BANP: variants seen among roughly 807,000 people sequenced by gnomAD.
BANP encodes the protein protein BANP.
BANP carries 11 observed loss-of-function variants against 68.1 expected under a neutral mutation model. That is an observed-to-expected ratio of 0.16 (90% CI 0.10 to 0.27). The LOEUF is 0.27. Among genes scored for constraint, BANP ranks in the 10% least tolerant of loss-of-function variants. BANP has a pLI of 1.00. For missense variants in BANP, 504 were observed against 722.7 expected (o/e 0.70, Z 3.47); for synonymous variants, 329 against 303.2 (o/e 1.09, Z -0.88).
intron 7 of BANP, among the ~76,000 whole-genome samples, chr16:88,021,622 C>T (rs1311027805): frequency 2.0e-5 from 3 of 152,178 alleles, no homozygotes; most frequent in Non-Finnish European, 4.4e-5. Flanking sequence ...CTTCCTGTGG[C>T]CCAGTTTCAT....
chr16:88,033,699 T>C (rs1281142089), intron 9 of BANP, among the ~76,000 whole-genome samples: 1 of 152,216 alleles, frequency 6.6e-6, no homozygotes, highest in Non-Finnish European at 1.5e-5. Flanking sequence ...AGCGTGTCCC[T>C]TGGAGTTACT....
intron 1 of BANP, among the ~76,000 whole-genome samples, chr16:87,971,774 T>C (rs920407627): frequency 3.3e-5 from 5 of 152,148 alleles, no homozygotes; most frequent in African/African-American, 4.8e-5. Context: ...TTACAGTTTT[T>C]GGTATTCCAT....
At chr16:88,049,648 G>A (rs1488663375) in intron 11 of BANP, among the ~76,000 whole-genome samples, 1 of 152,182 alleles carries the variant, frequency 6.6e-6, no homozygotes, top group Non-Finnish European at 1.5e-5. Flanking sequence ...CCAGGGCTGT[G>A]GGAGTTAGGG....
Position 88,003,636 on chromosome 16 carries a change from G to A in BANP, c.363-659G>A, listed in dbSNP as rs370945175. The A allele has an allele frequency of 7.1e-6, 3 of 421,466 alleles. No homozygotes were observed. Among genetic ancestry groups the A allele is most frequent in the Non-Finnish European group, 1.4e-5 (3 of 209,890 alleles). 26.1% of individuals were successfully genotyped at this position (421,466 alleles called of 1,614,324 possible). ...AACACACTCGTGCTTCCTCCAGGGT[G>A]GCGCCAGGCTTGCTGGTTTCTGGGC... On this transcript the variant is annotated intron_variant, in intron 4 of 13. Transcript: ENST00000682872. The surrounding 1 kb of genome is among the most constrained non-coding windows in gnomAD (Gnocchi z 6.1).
intron 11 of BANP, among the ~76,000 whole-genome samples, chr16:88,065,024 G>A (rs764119438): frequency 2.0e-5 from 3 of 152,272 alleles, no homozygotes; most frequent in Non-Finnish European, 4.4e-5. Context: ...AGCCCGCCCT[G>A]AAGGCACGGA....
At position 88,064,235 on chromosome 16, in the gene BANP, G is replaced by A. The variant is rs999885890; in HGVS notation, c.1312-1032G>A. 7.2e-5 allele frequency among the ~76,000 whole-genome samples: 11 copies of A among 152,268 alleles called. No individual in the cohort carries two copies. The highest frequency in any genetic ancestry group is 3.4e-3 in the Middle Eastern group (1 of 294). ...GGGGGAGAGTGGACAGCGAGGCGGTGGATGTTGAGGCAGTTGTGCGTCCAC... is the reference window on the plus strand; with the variant it reads ...GGGGGAGAGTGGACAGCGAGGCGGTAGATGTTGAGGCAGTTGTGCGTCCAC... On this transcript the variant is annotated intron_variant, in intron 11 of 13. Coordinates refer to ENST00000682872, the MANE Select transcript of BANP (RefSeq NM_001386991.1). The surrounding 1 kb of genome is among the most constrained non-coding windows in gnomAD (Gnocchi z 4.5).
At chr16:87,951,553 C>G (rs533628379) in intron 1 of BANP, 38 bp downstream of exon 1, 1 of 152,808 alleles carries the variant, frequency 6.5e-6, no homozygotes, top group South Asian at 1.8e-4. Context: ...GCCTCCGCCT[C>G]CCCCTTCCCG....
At chr16:88,028,697 A>C (rs1418292073) in intron 8 of BANP, among the ~76,000 whole-genome samples, 1 of 152,232 alleles carries the variant, frequency 6.6e-6, no homozygotes, top group Non-Finnish European at 1.5e-5. Flanking sequence ...ATTCACTGAA[A>C]TACCATGTAG....
intron 4 of BANP, among the ~76,000 whole-genome samples, chr16:87,986,825 C>G (rs911516326): frequency 6.6e-6 from 1 of 152,142 alleles, no homozygotes; most frequent in Admixed American, 6.5e-5. Flanking sequence ...GATGCACAAT[C>G]CAGTTAACCC....
chr16:88,071,649 C>G lies in BANP; in HGVS notation c.1378-420C>G. ...GGGGAGGGTTTGGGTCTCAGCCTCACGCTCACGGTCCTGGCTTGGATTTTA... is the reference window on the plus strand; with the variant it reads ...GGGGAGGGTTTGGGTCTCAGCCTCAGGCTCACGGTCCTGGCTTGGATTTTA... On this transcript the variant is annotated intron_variant, in intron 12 of 13. Transcript: ENST00000682872. The surrounding 1 kb of genome is among the most constrained non-coding windows in gnomAD (Gnocchi z 6.5). 2.1e-6 allele frequency: 1 copy of G among 466,468 alleles called. No homozygotes were observed. The highest frequency in any genetic ancestry group is 1.5e-5 in the South Asian group (1 of 64,628). 28.9% of individuals were successfully genotyped at this position (466,468 alleles called of 1,614,324 possible).
chr16:88,014,693 T>G (rs1380525160), intron 6 of BANP, among the ~76,000 whole-genome samples: 4 of 152,014 alleles, frequency 2.6e-5, no homozygotes, highest in Non-Finnish European at 5.9e-5. Context: ...ATCCTCGCAC[T>G]GGTCCTGCAT....
At position 88,027,777 on chromosome 16, in the gene BANP, TG is replaced by T. The variant is rs374196428; in HGVS notation, c.1063+128del. 24 of 1,143,638 alleles carry T rather than the reference TG, an allele frequency of 2.1e-5. No homozygotes were observed. In the East Asian group the frequency reaches 3.8e-4, roughly 18 times the overall value. 70.8% of individuals were successfully genotyped at this position (1,143,638 alleles called of 1,614,324 possible). A position where few individuals can be genotyped will look rare whatever the true frequency, so the allele number is the denominator to read the frequency against. On this transcript the variant is annotated intron_variant, in intron 8 of 13. Coordinates refer to ENST00000682872, the MANE Select transcript of BANP (RefSeq NM_001386991.1). ...TGGCCGGGAGCCGAGGCCAGAGGCTTGCGCGGTGCGCACGGAGCAGTGGAGC... is the reference window on the plus strand; with the variant it reads ...TGGCCGGGAGCCGAGGCCAGAGGCTTCGCGGTGCGCACGGAGCAGTGGAGC...
intron 8 of BANP, among the ~76,000 whole-genome samples, chr16:88,030,207 A>C (rs539990233): frequency 6.6e-6 from 1 of 152,342 alleles, no homozygotes; most frequent in South Asian, 2.1e-4. Flanking sequence ...TATCTAGTCC[A>C]GAGTAGCAGG....
At chr16:88,049,100 T>C (rs2082673871) in intron 11 of BANP, among the ~76,000 whole-genome samples, 1 of 152,050 alleles carries the variant, frequency 6.6e-6, no homozygotes, top group Admixed American at 6.5e-5. Context: ...CTGGGTGTCC[T>C]CTAATTCAGT....
chr16:88,072,512 T>C (rs1371085538), intron 13 of BANP, among the ~76,000 whole-genome samples: 5 of 152,206 alleles, frequency 3.3e-5, no homozygotes, highest in African/African-American at 9.6e-5. Flanking sequence ...CACAGCCCTT[T>C]CCTGTGGGCT....
At chr16:88,030,883 G>A (rs961005177) in intron 8 of BANP, among the ~76,000 whole-genome samples, 3 of 152,220 alleles carry the variant, frequency 2.0e-5, no homozygotes, top group South Asian at 2.1e-4. Flanking sequence ...GCTGGAAACC[G>A]TTGTCTTTGG....
chr16:87,982,197 A>T (rs752946666), intron 3 of BANP, among the ~76,000 whole-genome samples: 3 of 152,232 alleles, frequency 2.0e-5, no homozygotes, highest in Non-Finnish European at 4.4e-5. Context: ...CATCTGTTGC[A>T]CATAGAACAG....
At chr16:87,981,167 C>T (rs1363318016) in intron 3 of BANP, 40 bp downstream of exon 3, 4 of 1,431,000 alleles carry the variant, frequency 2.8e-6, no homozygotes, top group Non-Finnish European at 3.9e-6. Flanking sequence ...TAGTGCGTTG[C>T]AGATTTCAAG....
chr16:88,034,503 C>T (rs759508729), intron 9 of BANP, among the ~76,000 whole-genome samples: 11 of 152,042 alleles, frequency 7.2e-5, no homozygotes, highest in Non-Finnish European at 1.3e-4. Flanking sequence ...TTAGTGTTTA[C>T]TGAAACTGTC....
Sources: gnomAD v4.1 joint callset for allele counts (sites outside exome capture counted in the v4.1 genomes callset) on GRCh38, gnomAD v4.1.1 for gene constraint, Gnocchi (gnomAD v3.1) non-coding constraint, MANE v1.5 for transcripts, NCBI Gene and HGNC (gene_info 2026-07-23, HGNC 2026-07-21) for gene names.